The following PPM1L variants were observed in gnomAD, a reference collection of about 807,000 sequenced individuals.
PPM1L encodes the protein protein phosphatase, Mg2+/Mn2+ dependent 1L, also known as protein phosphatase 1L.
In PPM1L, 13 loss-of-function variants were observed where a neutral mutation model predicts 31.4. The observed-to-expected ratio is 0.41, with a 90% CI of 0.27 to 0.66. The LOEUF is 0.66. Ranked by LOEUF, PPM1L falls within the 30% of genes least tolerant of loss-of-function variation. PPM1L has a pLI of 0.29. For synonymous variants in PPM1L, 184 were observed against 175.4 expected, an observed-to-expected ratio of 1.05 and a Z score of -0.39; for missense variants, 326 against 453.7, an observed-to-expected ratio of 0.72 and a Z score of 2.56.
At chr3:160,983,095 C>T (rs1037833369) in intron 2 of PPM1L, among the ~76,000 whole-genome samples, 6 of 152,196 alleles carry the variant, frequency 3.9e-5, no homozygotes, top group South Asian at 4.2e-4. Flanking sequence ...TTTTTGTACT[C>T]GAGAATCAGC....
intron 1 of PPM1L, among the ~76,000 whole-genome samples, chr3:160,863,184 A>T: frequency 6.6e-6 from 1 of 152,350 alleles, no homozygotes; most frequent in East Asian, 1.9e-4. Flanking sequence ...CTTCAAATAA[A>T]ATACCACATT....
At chr3:160,876,457 C>A (rs1446127466) in intron 1 of PPM1L, among the ~76,000 whole-genome samples, 1 of 152,188 alleles carries the variant, frequency 6.6e-6, no homozygotes, top group Non-Finnish European at 1.5e-5. Context: ...ATATGTATAT[C>A]ATGCCTTGCT....
chr3:160,899,020 C>T (rs535738788), intron 1 of PPM1L, among the ~76,000 whole-genome samples: 1 of 152,226 alleles, frequency 6.6e-6, no homozygotes, highest in East Asian at 1.9e-4. Context: ...ATCTAACGTT[C>T]CAGTGTTCAT....
chr3:160,918,711 A>G (rs1320558843), intron 1 of PPM1L, among the ~76,000 whole-genome samples: 1 of 152,214 alleles, frequency 6.6e-6, no homozygotes. Context: ...TTTAAGAACC[A>G]TTAATAGTTC....
chr3:160,783,906 G>T lies in PPM1L; in HGVS notation c.399+27199G>T, dbSNP rs577748752. ...AAATATCTGATAGTTAGAAGAGATG[G>T]CTCTAGTAGTAAGATTTTTGAAGAT... On this transcript the variant is annotated intron_variant, in intron 1 of 3. Coordinates refer to ENST00000498165, the MANE Select transcript of PPM1L (RefSeq NM_139245.4). Among the ~76,000 whole-genome samples the T allele has an allele frequency of 2.0e-5, 3 of 152,216 alleles. No individual in the cohort carries two copies. In the South Asian group the frequency reaches 6.2e-4, roughly 32 times the overall value.
Position 160,872,601 on chromosome 3 carries a change from A to G in PPM1L, c.400-89135A>G, listed in dbSNP as rs139321070. ...AAATGATACAAGAAAAACACTAAAT[A>G]CACTACTAGTTTTAGACATTCAAAA... On this transcript the variant is annotated intron_variant, in intron 1 of 3. Coordinates refer to ENST00000498165, the MANE Select transcript of PPM1L (RefSeq NM_139245.4). Among the ~76,000 whole-genome samples, 413 of 152,348 alleles carry G rather than the reference A, an allele frequency of 2.7e-3. 2 individuals carry two copies. Among genetic ancestry groups the G allele is most frequent in the African/African-American group, 9.5e-3 (397 of 41,598 alleles).
chr3:160,862,662 GCACACACA>G (rs6148164), intron 1 of PPM1L, among the ~76,000 whole-genome samples: 41 of 127,222 alleles, frequency 3.2e-4, no homozygotes, highest in Middle Eastern at 3.7e-3. Context: ...CTAGGCACAC[GCACACACA>G]CACACACACA....
chr3:160,940,468 G>T (rs150454319), intron 1 of PPM1L, among the ~76,000 whole-genome samples: 1 of 152,142 alleles, frequency 6.6e-6, no homozygotes. Context: ...TGGGCTGGGC[G>T]CAGGGTCCCT....
chr3:161,040,922 T>TG (rs912388864), intron 2 of PPM1L, among the ~76,000 whole-genome samples: 1 of 152,180 alleles, frequency 6.6e-6, no homozygotes, highest in African/African-American at 2.4e-5. Context: ...CTGTCCTTTG[T>TG]GGGGGAAAAT....
At chr3:160,970,471 A>C (rs1716294474) in intron 2 of PPM1L, among the ~76,000 whole-genome samples, 1 of 119,016 alleles carries the variant, frequency 8.4e-6, no homozygotes, top group Non-Finnish European at 1.6e-5. Context: ...TTTTTTTGAG[A>C]TGGAGTGTCA....
intron 2 of PPM1L, among the ~76,000 whole-genome samples, chr3:161,009,329 A>C (rs1169237889): frequency 6.6e-6 from 1 of 152,170 alleles, no homozygotes; most frequent in Admixed American, 6.5e-5. Flanking sequence ...TCTTTTTGGA[A>C]TGGAACACAT....
chr3:161,048,115 C>T (rs1242303406), intron 2 of PPM1L, among the ~76,000 whole-genome samples: 5 of 152,194 alleles, frequency 3.3e-5, no homozygotes, highest in African/African-American at 1.2e-4. Flanking sequence ...AGAGCTTCTG[C>T]ACAGCAAAAG....
rs1053442740 is a variant in PPM1L at position 160,760,712 on chromosome 3, T to G, written c.399+4005T>G. On this transcript the variant is annotated intron_variant, in intron 1 of 3. Coordinates refer to ENST00000498165, the MANE Select transcript of PPM1L (RefSeq NM_139245.4). ...ATTTTTATCTACAGGCAAAAGGTGG[T>G]TTTTTTTTTGTTTTTTTTTTTTAAT... 1.7e-3 allele frequency among the ~76,000 whole-genome samples: 256 copies of G among 148,782 alleles called. 1 individual carries two copies. The highest frequency in any genetic ancestry group is 5.0e-3 in the African/African-American group (203 of 40,678).
intron 2 of PPM1L, among the ~76,000 whole-genome samples, chr3:161,013,027 G>T (rs1717950069): frequency 6.6e-6 from 1 of 152,026 alleles, no homozygotes; most frequent in South Asian, 2.1e-4. Context: ...GTCTCCTTCA[G>T]TTCTGCTCTG....
chr3:161,044,491 G>A (rs747954951), intron 2 of PPM1L, among the ~76,000 whole-genome samples: 9 of 151,830 alleles, frequency 5.9e-5, no homozygotes, highest in Non-Finnish European at 1.3e-4. Flanking sequence ...CTAATCCCAA[G>A]CACTTTGGGA....
intron 2 of PPM1L, among the ~76,000 whole-genome samples, chr3:161,025,997 G>A (rs1718378823): frequency 6.6e-6 from 1 of 151,944 alleles, no homozygotes; most frequent in South Asian, 2.1e-4. Context: ...TTCTAGTTAG[G>A]GAAATAATAA....
rs369173795 is a variant in PPM1L, at chr3:160,932,068, A to G, written c.400-29668A>G. ...TTATTTCAAAGCAGGGATCCAAGGG[A>G]AGGAGGAGTGAGGAAAACCTTTTTA... On this transcript the variant is annotated intron_variant, in intron 1 of 3. Coordinates refer to ENST00000498165, the MANE Select transcript of PPM1L (RefSeq NM_139245.4). 1.3e-3 allele frequency among the ~76,000 whole-genome samples: 194 copies of G among 152,114 alleles called. 2 individuals are homozygous for G. In the South Asian group the frequency reaches 0.039, roughly 30 times the overall value.
At chr3:160,977,906 A>T (rs891547975) in intron 2 of PPM1L, among the ~76,000 whole-genome samples, 1 of 152,322 alleles carries the variant, frequency 6.6e-6, no homozygotes, top group South Asian at 2.1e-4. Flanking sequence ...GGCACTAAAG[A>T]TCATAAAGAC....
intron 2 of PPM1L, chr3:161,022,294 G>T: frequency 6.1e-6 from 3 of 489,488 alleles, no homozygotes; most frequent in Non-Finnish European, 1.1e-5. Flanking sequence ...CATTCTCTGT[G>T]CTGTTGTCAA....
Sources: allele counts gnomAD v4.1 joint callset (sites outside exome capture counted in the v4.1 genomes callset), GRCh38; gene constraint gnomAD v4.1.1; transcripts MANE v1.5; gene names NCBI Gene and HGNC (gene_info 2026-07-23, HGNC 2026-07-21).